Variants in ARHGAP22 observed in about 807,000 individuals in gnomAD.
ARHGAP22 encodes rho GTPase-activating protein 22.
Under a neutral mutation model 59.1 loss-of-function variants are expected in ARHGAP22, and 48 were observed. The observed-to-expected ratio is 0.81, with a 90% CI of 0.64 to 1.03. ARHGAP22 has a LOEUF of 1.03. ARHGAP22 is among the 50% of genes least tolerant of loss of function. ARHGAP22 has a pLI of 0.00. For missense variants in ARHGAP22, 1,015 were observed against 958.7 expected (o/e 1.06, Z -0.78); for synonymous variants, 445 against 416.4 (o/e 1.07, Z -0.84).
intron 2 of ARHGAP22, among the ~76,000 whole-genome samples, chr10:48,557,844 T>C (rs1208756203): frequency 6.6e-6 from 1 of 152,084 alleles, no homozygotes; most frequent in African/African-American, 2.4e-5. Flanking sequence ...TGGGTGGGGG[T>C]TGGGGGCCTG....
chr10:48,455,104 C>G lies in ARHGAP22; in HGVS notation c.690G>C (p.Leu230=), dbSNP rs563448239. Reference sequence around the variant, plus strand: ...GGAGCTCCCGCAGGTACAGCTTCAGCAGGGAGGCCACCGTGTGCACGTCTG... The same window carrying G: ...GGAGCTCCCGCAGGTACAGCTTCAGGAGGGAGGCCACCGTGTGCACGTCTG... ...STTDVHTVAS[L]LKLYLRELPE... The change falls in exon 6 of 10, where the codon CTG becomes CTC. Residue 230 remains leucine (L), a synonymous_variant. Coordinates refer to ENST00000249601, the MANE Select transcript of ARHGAP22 (RefSeq NM_021226.4). 4.8e-5 allele frequency: 78 copies of G among 1,611,826 alleles called. No individual in the cohort carries two copies. The South Asian group carries it at 8.3e-4, about 17-fold the overall frequency.
chr10:48,516,940 A>T (rs1361801795), intron 3 of ARHGAP22, among the ~76,000 whole-genome samples: 2 of 152,252 alleles, frequency 1.3e-5, no homozygotes, highest in South Asian at 4.1e-4. Flanking sequence ...AAAAGGAATG[A>T]AGTAGCCATA....
chr10:48,555,804 A>G (rs948855111), intron 2 of ARHGAP22, among the ~76,000 whole-genome samples: 8 of 152,048 alleles, frequency 5.3e-5, no homozygotes, highest in Non-Finnish European at 1.0e-4. Context: ...GGCAGGGGGA[A>G]CTCTGGAGCA....
Position 48,563,187 on chromosome 10 carries a change from A to ATTT in ARHGAP22, c.235-7640_235-7638dup, listed in dbSNP as rs558735630. ...AGATCCACTTGGATAATCCAGGATAATTTTTTTTTTTTTTTTTTTTTTTTG... is the reference window on the plus strand; with the variant it reads ...AGATCCACTTGGATAATCCAGGATAATTTTTTTTTTTTTTTTTTTTTTTTTTTG... On this transcript the variant is annotated intron_variant, in intron 2 of 9. Transcript: ENST00000249601. Among the ~76,000 whole-genome samples, 50 of 104,216 alleles carry ATTT rather than the reference A, an allele frequency of 4.8e-4. 1 individual carries two copies. The highest frequency in any genetic ancestry group is 1.3e-3 in the African/African-American group (35 of 27,464). 68.4% of individuals were successfully genotyped at this position (104,216 alleles called of 152,430 possible).
intron 1 of ARHGAP22, among the ~76,000 whole-genome samples, chr10:48,639,846 T>TAA (rs796074382): frequency 6.7e-6 from 1 of 148,374 alleles, no homozygotes; most frequent in African/African-American, 2.5e-5. Context: ...GACTCATATG[T>TAA]AAAAAAAAAA....
chr10:48,519,989 G>A (rs2053654138), intron 3 of ARHGAP22, among the ~76,000 whole-genome samples: 2 of 152,218 alleles, frequency 1.3e-5, no homozygotes. Context: ...AGGAAGCAGT[G>A]CCATCAAGGC....
intron 1 of ARHGAP22, among the ~76,000 whole-genome samples, chr10:48,611,744 CA>C (rs1446888250): frequency 6.6e-6 from 1 of 151,940 alleles, no homozygotes; most frequent in Non-Finnish European, 1.5e-5. Context: ...CTGTTCTGAG[CA>C]GATGCCACAC....
At chr10:48,590,358 G>A (rs1292219380) in intron 1 of ARHGAP22, among the ~76,000 whole-genome samples, 1 of 152,092 alleles carries the variant, frequency 6.6e-6, no homozygotes, top group Non-Finnish European at 1.5e-5. Flanking sequence ...GGAGGTGACA[G>A]GATGTGGAGC....
intron 2 of ARHGAP22, among the ~76,000 whole-genome samples, chr10:48,565,010 G>T (rs184550585): frequency 5.3e-4 from 80 of 152,316 alleles, no homozygotes; most frequent in Middle Eastern, 6.8e-3. Flanking sequence ...CAGCGACAAT[G>T]ATTTCTACTG....
chr10:48,468,689 A>G (rs1564711012), intron 4 of ARHGAP22, among the ~76,000 whole-genome samples: 1 of 152,158 alleles, frequency 6.6e-6, no homozygotes, highest in East Asian at 1.9e-4. Flanking sequence ...ATTCATGTTC[A>G]TTTTTTAAAA....
At chr10:48,499,442 T>A (rs1394723255) in intron 3 of ARHGAP22, among the ~76,000 whole-genome samples, 1 of 152,244 alleles carries the variant, frequency 6.6e-6, no homozygotes, top group African/African-American at 2.4e-5. Flanking sequence ...TTGATAAATA[T>A]TCTTTGTTAA....
In ARHGAP22 at chr10:48,459,903, G is replaced by A. The variant is rs1331527521; in HGVS notation, c.452-12C>T. On this transcript the variant is annotated splice_polypyrimidine_tract_variant and intron_variant, in intron 4 of 9. Coordinates refer to ENST00000249601, the MANE Select transcript of ARHGAP22 (RefSeq NM_021226.4). ...CTGCCCAAAGATCCCTGAGCACAGA[G>A]AGGAGCTAGTCACACCCTCCACCAC... is the stretch of plus-strand genomic sequence containing the variant. The A allele has an allele frequency of 4.3e-6, 7 of 1,609,872 alleles. No individual in the cohort carries two copies. The African/African-American group carries it at 9.4e-5, about 22-fold the overall frequency.
chr10:48,595,075 T>C (rs78726664), intron 1 of ARHGAP22, among the ~76,000 whole-genome samples: 4,838 of 152,276 alleles, frequency 0.032, 235 homozygotes, highest in African/African-American at 0.11. Flanking sequence ...CTCTCAGCTC[T>C]GGAGATACTC....
the ARHGAP22 span, among the ~76,000 whole-genome samples, chr10:48,432,647 C>T: frequency 2.0e-5 from 3 of 152,152 alleles, no homozygotes; most frequent in Non-Finnish European, 4.4e-5. Context: ...CAGTTTTATA[C>T]TTTAGCATAC....
At chr10:48,439,157 T>A in the ARHGAP22 span, 1 of 151,802 alleles carries the variant, frequency 6.6e-6, no homozygotes, top group Non-Finnish European at 1.5e-5. Flanking sequence ...TCTCCTTCCC[T>A]GTGTTCCGTT....
chr10:48,434,041 A>G, the ARHGAP22 span, among the ~76,000 whole-genome samples: 1 of 152,218 alleles, frequency 6.6e-6, no homozygotes, highest in Non-Finnish European at 1.5e-5. Context: ...ATCCCCCAGC[A>G]TAAGTCATTC....
At chr10:48,519,912 G>A (rs1411088975) in intron 3 of ARHGAP22, among the ~76,000 whole-genome samples, 2 of 152,216 alleles carry the variant, frequency 1.3e-5, no homozygotes, top group Non-Finnish European at 2.9e-5. Flanking sequence ...TGTCTCCAGA[G>A]CTGTGGGTGG....
rs1030790947 is a variant in ARHGAP22 at position 48,446,444 on chromosome 10, A to G, written c.2044T>C (p.Ser682Pro). ...CCAACAGTCAAGCTTCCTAGGGTCG[A>G]AAAAAACTCCTCCATTTCCCTCTGC... is the stretch of plus-strand genomic sequence containing the variant. ...LLQREMEEFF[S>P]TLGSLTVGAK... The change falls in exon 10 of 10, where the codon TCG becomes CCG. Residue 682 changes from serine (S) to proline (P), a missense_variant. Transcript: ENST00000249601. The G allele has an allele frequency of 1.1e-5, 18 of 1,614,008 alleles. No individual in the cohort carries two copies. The highest frequency in any genetic ancestry group is 1.6e-4 in the Middle Eastern group (1 of 6,084).
At chr10:48,574,454 G>T (rs189898830) in intron 2 of ARHGAP22, among the ~76,000 whole-genome samples, 1 of 152,310 alleles carries the variant, frequency 6.6e-6, no homozygotes, top group East Asian at 1.9e-4. Flanking sequence ...AATAATAATA[G>T]CAGTGACATC....
Sources: gnomAD v4.1 joint callset for allele counts (sites outside exome capture counted in the v4.1 genomes callset) on GRCh38, gnomAD v4.1.1 for gene constraint, MANE v1.5 for transcripts, NCBI Gene and HGNC (gene_info 2026-07-23, HGNC 2026-07-21) for gene names.